The following CD276 variants were observed in gnomAD, a reference collection of about 807,000 sequenced individuals.
The protein encoded by CD276 is CD276 molecule.
In CD276, 34 loss-of-function variants were observed where a neutral mutation model predicts 50.0. The ratio of observed to expected loss-of-function variants is 0.68; its 90% confidence interval spans 0.52 to 0.91. The LOEUF (loss-of-function observed/expected upper bound fraction) is 0.91, where lower values mean the gene tolerates loss of function less well. CD276 is among the 40% of genes least tolerant of loss of function. The pLI is 0.00. For synonymous variants in CD276, 275 were observed against 313.0 expected, an observed-to-expected ratio of 0.88 and a Z score of 1.28; for missense variants, 634 against 717.5, an observed-to-expected ratio of 0.88 and a Z score of 1.33.
chr15:73,688,907 G>T (rs1596001684), intron 1 of CD276, among the ~76,000 whole-genome samples: 1 of 152,160 alleles, frequency 6.6e-6, no homozygotes, highest in Non-Finnish European at 1.5e-5. Context: ...TGGAGAAAAT[G>T]CACCCTTCCT....
At position 73,713,417 on chromosome 15, in the gene CD276, G is replaced by A; in HGVS notation, c.*461G>A. ...CCGGCCTTGTTTCTCCAATGGCCGT[G>A]ATACACTAGTGATCATGTTCAGCCC... On this transcript the variant is annotated 3_prime_UTR_variant, in exon 10 of 10. Coordinates refer to ENST00000318443, the MANE Select transcript of CD276 (RefSeq NM_001024736.2). The A allele has an allele frequency of 3.9e-6, 1 of 255,558 alleles. No homozygotes were observed. Among genetic ancestry groups the A allele is most frequent in the Non-Finnish European group, 7.5e-6 (1 of 132,772 alleles). 15.8% of individuals were successfully genotyped at this position (255,558 alleles called of 1,614,324 possible).
At chr15:73,690,284 C>T (rs1899937190) in intron 1 of CD276, among the ~76,000 whole-genome samples, 1 of 152,204 alleles carries the variant, frequency 6.6e-6, no homozygotes, top group African/African-American at 2.4e-5. Flanking sequence ...CAGGGAGGTT[C>T]TCATATATCA....
chr15:73,702,343 T>C lies in CD276; in HGVS notation c.168T>C (p.Pro56=), dbSNP rs779905609. 6.2e-7 allele frequency: 1 copy of C among 1,613,602 alleles called. No homozygotes were observed. Among genetic ancestry groups the C allele is most frequent in the Non-Finnish European group, 8.5e-7 (1 of 1,180,006 alleles). Residue 56 remains proline, a synonymous_variant, in exon 3 of 10, where the codon CCT becomes CCC. Coordinates refer to ENST00000318443, the MANE Select transcript of CD276 (RefSeq NM_001024736.2). The stretch of plus-strand genomic sequence containing the variant: ...TGTGCTGCTCCTTCTCCCCTGAGCC[T>C]GGCTTCAGCCTGGCACAGCTCAACC... ...ATLCCSFSPE[P]GFSLAQLNLI...
chr15:73,710,273 G>A (rs1596021864), intron 8 of CD276, among the ~76,000 whole-genome samples: 2 of 152,290 alleles, frequency 1.3e-5, no homozygotes, highest in South Asian at 2.1e-4. Flanking sequence ...GTGTAGCTTT[G>A]GGCAAGGTGC....
rs140264082 is a variant in CD276 at position 73,706,086 on chromosome 15, C to T, written c.1369+1614C>T. Among the ~76,000 whole-genome samples, 942 of 152,086 alleles carry T rather than the reference C, an allele frequency of 6.2e-3. 7 individuals are homozygous for T. Among genetic ancestry groups the T allele is most frequent in the African/African-American group, 0.021 (890 of 41,482 alleles). ...TCAGCATGGTGAAACCCTGTCTCTA[C>T]TGAAAACACAAAAATTAGCTGGGCG... On this transcript the variant is annotated intron_variant, in intron 6 of 9. Coordinates refer to ENST00000318443, the MANE Select transcript of CD276 (RefSeq NM_001024736.2).
chr15:73,714,285 A>C lies in CD276; in HGVS notation c.*1329A>C. 6.0e-6 allele frequency: 1 copy of C among 166,232 alleles called. No homozygotes were observed. 10.3% of individuals were successfully genotyped at this position (166,232 alleles called of 1,614,324 possible). On this transcript the variant is annotated 3_prime_UTR_variant, in exon 10 of 10. Coordinates refer to ENST00000318443, the MANE Select transcript of CD276 (RefSeq NM_001024736.2). ...GGGGACACCGAGGGGACTGCCCCCC[A>C]CCCCCACCATGGTGCTATTCTGGGG... is the stretch of plus-strand genomic sequence containing the variant.
At chr15:73,702,191 G>C (rs971685579) in intron 2 of CD276, 64 bp from the exon 3 acceptor site, 8 of 1,330,530 alleles carry the variant, frequency 6.0e-6, no homozygotes, top group Non-Finnish European at 8.1e-6. Context: ...GGCAGGGAGC[G>C]GGACTAGGGA....
In CD276 at chr15:73,700,430, G is replaced by A. The variant is rs140941075; in HGVS notation, c.79+712G>A. On this transcript the variant is annotated intron_variant, in intron 2 of 9. Transcript: ENST00000318443. ...TGGGGAAGACAAAGCTGAGGGTCTG[G>A]CGCCATCTTGTGGCCATAAAGAAGT... Among the ~76,000 whole-genome samples the A allele has an allele frequency of 3.8e-3, 586 of 152,324 alleles. 3 individuals carry two copies. Among genetic ancestry groups the A allele is most frequent in the African/African-American group, 0.013 (532 of 41,578 alleles).
intron 1 of CD276, among the ~76,000 whole-genome samples, chr15:73,689,289 C>T (rs1261313476): frequency 1.3e-5 from 2 of 151,422 alleles, no homozygotes; most frequent in Non-Finnish European, 2.9e-5. Flanking sequence ...CCTCTAGTTC[C>T]AGGGAGACCT....
chr15:73,705,388 C>T lies in CD276; in HGVS notation c.1369+916C>T, dbSNP rs543277443. On this transcript the variant is annotated intron_variant, in intron 6 of 9. Transcript: ENST00000318443. ...CACCTCAGGACTCACTTATTCCTGT[C>T]CTCTCCCTCTTGAGACCTATGTGGT... is the stretch of plus-strand genomic sequence containing the variant. Among the ~76,000 whole-genome samples the T allele has an allele frequency of 3.1e-3, 468 of 152,304 alleles. 3 individuals carry two copies. The highest frequency in any genetic ancestry group is 3.7e-3 in the Non-Finnish European group (254 of 68,034).
In CD276 at chr15:73,704,024, C is replaced by G; in HGVS notation, c.1072+27C>G. 6.3e-7 allele frequency: 1 copy of G among 1,595,304 alleles called. No individual in the cohort carries two copies. The highest frequency in any genetic ancestry group is 8.5e-7 in the Non-Finnish European group (1 of 1,171,458). On this transcript the variant is annotated intron_variant, in intron 5 of 9. Coordinates refer to ENST00000318443, the MANE Select transcript of CD276 (RefSeq NM_001024736.2). This position sits in a 1 kb window ranked among gnomAD's most constrained non-coding sequence, Gnocchi z 4.1. ...TGAGCACCAGGAGGGCGACGCCTTC[C>G]CCTTGGTTCACCCTCCATTCCCTCT... is the stretch of plus-strand genomic sequence containing the variant.
chr15:73,697,908 G>T (rs796314889), intron 1 of CD276, among the ~76,000 whole-genome samples: 7 of 152,328 alleles, frequency 4.6e-5, no homozygotes, highest in African/African-American at 1.7e-4. Context: ...ATAGGACCAA[G>T]TGTTACAGCC....
At chr15:73,701,758 C>T (rs1900397735) in intron 2 of CD276, among the ~76,000 whole-genome samples, 3 of 145,910 alleles carry the variant, frequency 2.1e-5, no homozygotes, top group African/African-American at 7.7e-5. Flanking sequence ...AGAAAAAGCA[C>T]TTGTGATTCT....
At chr15:73,706,796 G>T (rs545802390) in intron 6 of CD276, among the ~76,000 whole-genome samples, 1 of 152,230 alleles carries the variant, frequency 6.6e-6, no homozygotes, top group Non-Finnish European at 1.5e-5. Context: ...CCCTAGAGAC[G>T]TGGCCTGAGC....
Position 73,703,029 on chromosome 15 carries a change from G to A in CD276, c.676G>A (p.Val226Met), listed in dbSNP as rs199765601. 1.8e-4 allele frequency: 284 copies of A among 1,613,708 alleles called. No individual in the cohort carries two copies. Among genetic ancestry groups the A allele is most frequent in the Non-Finnish European group, 2.3e-4 (269 of 1,179,828 alleles). Residue 226 changes from valine to methionine, a missense_variant, in exon 4 of 10, where the codon GTG (valine) becomes ATG (methionine). Val to Met is a conservative substitution (Grantham distance 21). Transcript: ENST00000318443. Reference sequence around the variant, plus strand: ...CTACAGCTGCCTGGTGCGCAACCCCGTGCTGCAGCAGGATGCGCACAGCTC... The same window carrying A: ...CTACAGCTGCCTGGTGCGCAACCCCATGCTGCAGCAGGATGCGCACAGCTC... Reference protein sequence around the residue: ...GTYSCLVRNPVLQQDAHSSVT... With the variant: ...GTYSCLVRNPMLQQDAHSSVT...
chr15:73,698,556 C>T (rs1900259135), intron 1 of CD276, among the ~76,000 whole-genome samples: 1 of 152,014 alleles, frequency 6.6e-6, no homozygotes, highest in African/African-American at 2.4e-5. Flanking sequence ...CTATATTAGC[C>T]TCTTTTTTTA....
chr15:73,699,109 C>T (rs560792802), intron 1 of CD276, among the ~76,000 whole-genome samples: 8 of 152,162 alleles, frequency 5.3e-5, no homozygotes, highest in Non-Finnish European at 1.2e-4. Flanking sequence ...TCATGAAGCT[C>T]AGCTCTGACC....
chr15:73,702,907 C>T lies in CD276; in HGVS notation c.554C>T (p.Pro185Leu), dbSNP rs1341901710. Residue 185 changes from proline to leucine, a missense_variant, in exon 4 of 10, where the codon CCC (proline) becomes CTC (leucine). Physicochemically the swap from Pro to Leu is moderately conservative, Grantham distance 98. Transcript: ENST00000318443. ...TTCTGGCAGGATGGGCAGGGTGTGC[C>T]CCTGACTGGCAACGTGACCACGTCG... ...EVFWQDGQGV[P>L]LTGNVTTSQM... 1.2e-6 allele frequency: 2 copies of T among 1,614,026 alleles called. No homozygotes were observed. Among genetic ancestry groups the T allele is most frequent in the Non-Finnish European group, 1.7e-6 (2 of 1,180,036 alleles).
At chr15:73,705,280 TCTC>T (rs907094509) in intron 6 of CD276, among the ~76,000 whole-genome samples, 1 of 152,158 alleles carries the variant, frequency 6.6e-6, no homozygotes, top group African/African-American at 2.4e-5. Flanking sequence ...TCTGTCTGGT[TCTC>T]CTCTTGTCTT....
Sources: gnomAD v4.1 joint callset for allele counts (sites outside exome capture counted in the v4.1 genomes callset) on GRCh38, gnomAD v4.1.1 for gene constraint, Gnocchi (gnomAD v3.1) non-coding constraint, MANE v1.5 for transcripts, NCBI Gene and HGNC (gene_info 2026-07-23, HGNC 2026-07-21) for gene names.